Variants in SLC25A24 observed in about 807,000 individuals in gnomAD.
SLC25A24 encodes the protein mitochondrial adenyl nucleotide antiporter SLC25A24.
SLC25A24 carries 49 observed loss-of-function variants against 60.7 expected under a neutral mutation model. The observed-to-expected ratio is 0.81, with a 90% CI of 0.64 to 1.02. The LOEUF is 1.02. Among genes scored for constraint, SLC25A24 ranks in the 50% least tolerant of loss-of-function variants. SLC25A24 has a pLI of 0.00. For missense variants in SLC25A24, 564 were observed against 586.3 expected (o/e 0.96, Z 0.39); for synonymous variants, 202 against 200.6 (o/e 1.01, Z -0.06).
intron 3 of SLC25A24, among the ~76,000 whole-genome samples, chr1:108,169,403 T>A (rs997512480): frequency 6.6e-6 from 1 of 152,192 alleles, no homozygotes; most frequent in African/African-American, 2.4e-5. Flanking sequence ...AGAAGGTACA[T>A]CTTTTCTATA....
chr1:108,160,686 G>A (rs1412436298), intron 4 of SLC25A24, among the ~76,000 whole-genome samples: 4 of 152,256 alleles, frequency 2.6e-5, no homozygotes, highest in African/African-American at 9.6e-5. Flanking sequence ...ACGAGACTCC[G>A]TCTGCAATCC....
chr1:108,154,593 T>C (rs765995879), intron 6 of SLC25A24, among the ~76,000 whole-genome samples: 58 of 151,470 alleles, frequency 3.8e-4, no homozygotes, highest in Non-Finnish European at 6.8e-4. Flanking sequence ...CAGCTCAATT[T>C]TACAGCAACG....
intron 3 of SLC25A24, among the ~76,000 whole-genome samples, chr1:108,175,689 CA>C (rs202207119): frequency 2.8e-5 from 4 of 145,140 alleles, no homozygotes; most frequent in Non-Finnish European, 3.0e-5. Context: ...GACCCTTTCT[CA>C]AAAAAAAAAT....
At chr1:108,165,771 T>C (rs971635283) in intron 3 of SLC25A24, among the ~76,000 whole-genome samples, 14 of 152,232 alleles carry the variant, frequency 9.2e-5, no homozygotes, top group Non-Finnish European at 1.6e-4. Flanking sequence ...TGTCTTTTAA[T>C]TGGAGCATTT....
chr1:108,158,590 A>T (rs1398090289), intron 4 of SLC25A24, among the ~76,000 whole-genome samples: 1 of 151,982 alleles, frequency 6.6e-6, no homozygotes, highest in Non-Finnish European at 1.5e-5. Context: ...CAACAATTTT[A>T]TAATGCTTTA....
At chr1:108,183,154 G>A (rs1469722462) in intron 2 of SLC25A24, among the ~76,000 whole-genome samples, 1 of 152,134 alleles carries the variant, frequency 6.6e-6, no homozygotes, top group Non-Finnish European at 1.5e-5. Context: ...AGAAAAAGAG[G>A]AAGACCAAAA....
At chr1:108,159,734 T>C (rs1396207481) in intron 4 of SLC25A24, among the ~76,000 whole-genome samples, 1 of 151,808 alleles carries the variant, frequency 6.6e-6, no homozygotes, top group East Asian at 1.9e-4. Context: ...TTAATCCATT[T>C]AACCCTGAGT....
intron 9 of SLC25A24, among the ~76,000 whole-genome samples, chr1:108,137,991 A>C (rs1390940410): frequency 6.6e-6 from 1 of 152,110 alleles, no homozygotes; most frequent in Non-Finnish European, 1.5e-5. Flanking sequence ...CTTTCCCTCA[A>C]CTGGAATGTT....
chr1:108,138,476 T>C (rs1679349922), intron 9 of SLC25A24, among the ~76,000 whole-genome samples: 1 of 152,056 alleles, frequency 6.6e-6, no homozygotes, highest in African/African-American at 2.4e-5. Context: ...AGCCAGCAAA[T>C]GGTAAAAGTT....
chr1:108,150,728 C>A (rs1679733565), intron 6 of SLC25A24, among the ~76,000 whole-genome samples: 1 of 152,138 alleles, frequency 6.6e-6, no homozygotes, highest in African/African-American at 2.4e-5. Flanking sequence ...ATCCTTTTAA[C>A]AGTCTCTGGA....
chr1:108,161,366 C>T (rs749615492), intron 3 of SLC25A24, 73 bp from the exon 4 acceptor site: 1 of 768,068 alleles, frequency 1.3e-6, no homozygotes, highest in African/African-American at 1.8e-5. Flanking sequence ...GGCCACTTTA[C>T]AGAATGACAG....
chr1:108,173,883 C>G (rs532210167), intron 3 of SLC25A24, among the ~76,000 whole-genome samples: 1 of 152,124 alleles, frequency 6.6e-6, no homozygotes, highest in South Asian at 2.1e-4. Context: ...AGCAAAGAGA[C>G]TGGTGGCTTT....
At chr1:108,186,478 G>A (rs1275998810) in intron 1 of SLC25A24, among the ~76,000 whole-genome samples, 1 of 151,932 alleles carries the variant, frequency 6.6e-6, no homozygotes, top group Non-Finnish European at 1.5e-5. Flanking sequence ...GATCACTTGA[G>A]CCCAGGAATT....
At chr1:108,167,532 C>T (rs1322684017) in intron 3 of SLC25A24, among the ~76,000 whole-genome samples, 22 of 150,800 alleles carry the variant, frequency 1.5e-4, no homozygotes, top group African/African-American at 3.7e-4. Flanking sequence ...GCGCAGTATT[C>T]AGGTGGGAGT....
intron 3 of SLC25A24, among the ~76,000 whole-genome samples, chr1:108,174,108 G>A (rs1470729107): frequency 6.6e-6 from 1 of 152,222 alleles, no homozygotes; most frequent in Non-Finnish European, 1.5e-5. Flanking sequence ...GAAACAAGGA[G>A]TGAAATGTTA....
At chr1:108,145,503 T>C (rs538230385) in intron 7 of SLC25A24, among the ~76,000 whole-genome samples, 1 of 152,346 alleles carries the variant, frequency 6.6e-6, no homozygotes, top group South Asian at 2.1e-4. Context: ...GTGTCCTGAA[T>C]GGTATTGCCT....
chr1:108,196,005 A>C (rs1648486585), intron 1 of SLC25A24, among the ~76,000 whole-genome samples: 1 of 88,122 alleles, frequency 1.1e-5, no homozygotes, highest in African/African-American at 5.3e-5. Flanking sequence ...GTCTCCAGAA[A>C]AAAAAAAAAA....
At chr1:108,155,199 A>C in intron 5 of SLC25A24, 64 bp from the exon 6 acceptor site, 1 of 1,421,692 alleles carries the variant, frequency 7.0e-7, no homozygotes, top group Non-Finnish European at 9.6e-7. Flanking sequence ...TTTCTAGAAC[A>C]ACCACACAAT....
In SLC25A24 at chr1:108,162,429, A is replaced by G. The variant is rs1680114578; in HGVS notation, c.399-1136T>C. Among the ~76,000 whole-genome samples the G allele has an allele frequency of 3.3e-5, 5 of 149,904 alleles. No homozygotes were observed. The East Asian group carries it at 5.9e-4, about 18-fold the overall frequency. On this transcript the variant is annotated intron_variant, in intron 3 of 9. Coordinates refer to ENST00000565488, the MANE Select transcript of SLC25A24 (RefSeq NM_013386.5). ...CCACCAACAGTGTAAAAGTGTTCCT[A>G]TTTCTCCACATCCTCTCCAGCACCT...
Sources: gnomAD v4.1 joint callset for allele counts (sites outside exome capture counted in the v4.1 genomes callset) on GRCh38, gnomAD v4.1.1 for gene constraint, MANE v1.5 for transcripts, NCBI Gene and HGNC (gene_info 2026-07-23, HGNC 2026-07-21) for gene names.